BMP6: variants seen among roughly 807,000 people sequenced by gnomAD.
BMP6 encodes the protein bone morphogenetic protein 6.
In BMP6, 17 loss-of-function variants were observed where a neutral mutation model predicts 54.1. The observed-to-expected ratio is 0.31, with a 90% CI of 0.22 to 0.47. The LOEUF is 0.47. Ranked by LOEUF, BMP6 falls within the 20% of genes least tolerant of loss-of-function variation. BMP6 has a pLI of 1.00. For missense variants in BMP6, 720 were observed against 690.4 expected, an observed-to-expected ratio of 1.04 and a Z score of -0.48; for synonymous variants, 328 against 291.2, an observed-to-expected ratio of 1.13 and a Z score of -1.28.
At chr6:7,871,770 T>A (rs1469005716) in intron 4 of BMP6, among the ~76,000 whole-genome samples, 1 of 152,180 alleles carries the variant, frequency 6.6e-6, no homozygotes, top group East Asian at 1.9e-4. Flanking sequence ...AGACTTTGTG[T>A]CTCAGCAGGG....
chr6:7,780,280 G>C (rs1458800131), intron 1 of BMP6, among the ~76,000 whole-genome samples: 1 of 151,940 alleles, frequency 6.6e-6, no homozygotes, highest in South Asian at 2.1e-4. Context: ...GGGCACGGTG[G>C]CTCATGCATG....
chr6:7,794,490 C>T (rs758272567), intron 1 of BMP6, among the ~76,000 whole-genome samples: 4 of 151,838 alleles, frequency 2.6e-5, no homozygotes, highest in Non-Finnish European at 5.9e-5. Flanking sequence ...GACCCAGCTC[C>T]TCCAGAGGCT....
chr6:7,773,285 G>T (rs1757817582), intron 1 of BMP6, among the ~76,000 whole-genome samples: 1 of 152,192 alleles, frequency 6.6e-6, no homozygotes. Context: ...TAGTTCTGTA[G>T]ATTATGCCGT....
chr6:7,784,116 C>T (rs193161927), intron 1 of BMP6, among the ~76,000 whole-genome samples: 2 of 152,302 alleles, frequency 1.3e-5, no homozygotes, highest in East Asian at 3.9e-4. Flanking sequence ...CTTAAATCAT[C>T]TTGTATATTA....
At chr6:7,867,518 A>G (rs1234413956) in intron 4 of BMP6, among the ~76,000 whole-genome samples, 1 of 152,248 alleles carries the variant, frequency 6.6e-6, no homozygotes, top group Non-Finnish European at 1.5e-5. Flanking sequence ...GGGGATAGCC[A>G]GAGCTGACTG....
At chr6:7,871,347 A>G (rs1463111027) in intron 4 of BMP6, among the ~76,000 whole-genome samples, 1 of 152,262 alleles carries the variant, frequency 6.6e-6, no homozygotes, top group Non-Finnish European at 1.5e-5. Flanking sequence ...GGCAATTAAC[A>G]TCTGATACAT....
chr6:7,829,175 C>T (rs1758749690), intron 1 of BMP6, among the ~76,000 whole-genome samples: 1 of 152,192 alleles, frequency 6.6e-6, no homozygotes, highest in Non-Finnish European at 1.5e-5. Context: ...ATTTAAGCTG[C>T]CACCCCATGA....
At chr6:7,761,756 C>A (rs922099442) in intron 1 of BMP6, among the ~76,000 whole-genome samples, 7 of 152,208 alleles carry the variant, frequency 4.6e-5, no homozygotes, top group African/African-American at 1.7e-4. Flanking sequence ...CTTAGAGACT[C>A]CCTTTCCTCA....
chr6:7,850,504 A>G (rs1313723176), intron 2 of BMP6, among the ~76,000 whole-genome samples: 1 of 152,242 alleles, frequency 6.6e-6, no homozygotes, highest in African/African-American at 2.4e-5. Context: ...TGGAGTCTCC[A>G]GGAACAATCC....
At chr6:7,738,932 T>C (rs1441139993) in intron 1 of BMP6, among the ~76,000 whole-genome samples, 1 of 152,178 alleles carries the variant, frequency 6.6e-6, no homozygotes, top group African/African-American at 2.4e-5. Flanking sequence ...CTCTTCTTGC[T>C]TTTCTCTTAC....
At chr6:7,864,865 A>G (rs1222826618) in intron 4 of BMP6, among the ~76,000 whole-genome samples, 1 of 152,196 alleles carries the variant, frequency 6.6e-6, no homozygotes, top group East Asian at 1.9e-4. Context: ...TGCTGAACAG[A>G]GTTAATAATC....
chr6:7,852,013 C>A (rs567281969), intron 2 of BMP6, among the ~76,000 whole-genome samples: 1 of 152,234 alleles, frequency 6.6e-6, no homozygotes, highest in Admixed American at 6.5e-5. Flanking sequence ...TTTCCACTAC[C>A]TGTTTGTTCC....
intron 1 of BMP6, among the ~76,000 whole-genome samples, chr6:7,782,951 T>C (rs1274306967): frequency 6.6e-6 from 1 of 152,180 alleles, no homozygotes; most frequent in Non-Finnish European, 1.5e-5. Context: ...AACTTGGTTA[T>C]TGAACTTTGC....
At chr6:7,801,992 G>T (rs1017943115) in intron 1 of BMP6, among the ~76,000 whole-genome samples, 2 of 152,188 alleles carry the variant, frequency 1.3e-5, no homozygotes, top group Non-Finnish European at 2.9e-5. Context: ...TCAGGGAGAT[G>T]TGGAGTGCCC....
intron 5 of BMP6, 27 bp from the exon 6 acceptor site, chr6:7,879,964 T>C (rs750065637): frequency 3.7e-5 from 60 of 1,600,726 alleles, no homozygotes; most frequent in Non-Finnish European, 4.8e-5. Context: ...TGCTCATCTT[T>C]TGTTGCTTCC....
rs547248423 is a variant in BMP6 at position 7,841,305 on chromosome 6, G to A, written c.665-3835G>A. On this transcript the variant is annotated intron_variant, in intron 1 of 6. Coordinates refer to ENST00000283147, the MANE Select transcript of BMP6 (RefSeq NM_001718.6). Reference sequence around the variant, plus strand: ...TCATCAGTAAGCCAAATGCTAATGGGTATAAAGTAGGTACTGAGGGCTGAA... The same window carrying A: ...TCATCAGTAAGCCAAATGCTAATGGATATAAAGTAGGTACTGAGGGCTGAA... 2.0e-5 allele frequency among the ~76,000 whole-genome samples: 3 copies of A among 152,246 alleles called. No homozygotes were observed. The East Asian group carries it at 5.8e-4, about 29-fold the overall frequency.
rs747229520 is a variant in BMP6 at position 7,786,431 on chromosome 6, C to T, written c.665-58709C>T. Reference sequence around the variant, plus strand: ...CTACAGATGTTTTACAGTTTATTTCCAAACAGCTGCTTTTCCCTTCTTTAG... The same window carrying T: ...CTACAGATGTTTTACAGTTTATTTCTAAACAGCTGCTTTTCCCTTCTTTAG... On this transcript the variant is annotated intron_variant, in intron 1 of 6. Coordinates refer to ENST00000283147, the MANE Select transcript of BMP6 (RefSeq NM_001718.6). Among the ~76,000 whole-genome samples, 8 of 149,634 alleles carry T rather than the reference C, an allele frequency of 5.3e-5. No individual in the cohort carries two copies. In the East Asian group the frequency reaches 7.9e-4, roughly 15 times the overall value.
chr6:7,854,587 G>A (rs781056703), intron 2 of BMP6, among the ~76,000 whole-genome samples: 1 of 152,154 alleles, frequency 6.6e-6, no homozygotes, highest in Non-Finnish European at 1.5e-5. Flanking sequence ...ATTTGAGGTC[G>A]GAAGCTTAAG....
intron 1 of BMP6, among the ~76,000 whole-genome samples, chr6:7,806,044 G>A (rs1490375601): frequency 6.6e-6 from 1 of 152,180 alleles, no homozygotes; most frequent in Non-Finnish European, 1.5e-5. Context: ...GAGATGTGGG[G>A]TCAGCAATGT....
Sources: allele counts gnomAD v4.1 joint callset (sites outside exome capture counted in the v4.1 genomes callset), GRCh38; gene constraint gnomAD v4.1.1; transcripts MANE v1.5; gene names NCBI Gene and HGNC (gene_info 2026-07-23, HGNC 2026-07-21).